DOK6: variants seen among roughly 807,000 people sequenced by gnomAD.
The protein encoded by DOK6 is downstream of tyrosine kinase 6.
A neutral mutation model predicts 44.0 loss-of-function variants in DOK6; 22 were observed. The ratio of observed to expected loss-of-function variants is 0.50; its 90% confidence interval spans 0.36 to 0.71. The LOEUF (loss-of-function observed/expected upper bound fraction) is 0.71, where lower values mean the gene tolerates loss of function less well. Among genes scored for constraint, DOK6 ranks in the 30% least tolerant of loss-of-function variants. The pLI is 0.00. For synonymous variants in DOK6, 166 were observed against 145.5 expected (o/e 1.14, Z -1.01); for missense variants, 340 against 416.4 (o/e 0.82, Z 1.60).
chr18:69,512,936 C>T (rs1442282103), intron 1 of DOK6, among the ~76,000 whole-genome samples: 2 of 152,112 alleles, frequency 1.3e-5, no homozygotes, highest in East Asian at 3.9e-4. Flanking sequence ...TTCCAGATGT[C>T]ACATTTCGTT....
At chr18:69,612,217 T>TAAAA (rs33970961) in intron 3 of DOK6, among the ~76,000 whole-genome samples, 125,949 of 149,732 alleles carry the variant, frequency 0.84, 53,966 homozygotes, top group Non-Finnish European at 0.94. Flanking sequence ...ATATTTAAGT[T>TAAAA]AAAAAAAACC....
chr18:69,576,397 AAC>A (rs1491323639), intron 2 of DOK6, among the ~76,000 whole-genome samples: 1 of 152,146 alleles, frequency 6.6e-6, no homozygotes, highest in Non-Finnish European at 1.5e-5. Context: ...TTTATGCTGT[AAC>A]ACTCAATAGC....
rs144427443 is a variant in DOK6, at chr18:69,468,103, G to T, written c.66+66793G>T. On this transcript the variant is annotated intron_variant, in intron 1 of 7. Transcript: ENST00000382713. ...TTTATCCTCCTTAGGTGATTATCAT[G>T]GTTCATGTATCATTCTTTGGCTTAT... 8.9e-4 allele frequency among the ~76,000 whole-genome samples: 136 copies of T among 152,090 alleles called. 2 individuals are homozygous for T. In the East Asian group the frequency reaches 0.023, roughly 25 times the overall value.
intron 1 of DOK6, among the ~76,000 whole-genome samples, chr18:69,433,410 T>C (rs1396215583): frequency 1.3e-5 from 2 of 152,210 alleles, no homozygotes; most frequent in Non-Finnish European, 1.5e-5. Context: ...AAATTAAGGA[T>C]GTCTTTTAAG....
intron 7 of DOK6, among the ~76,000 whole-genome samples, chr18:69,784,940 C>T (rs1438836773): frequency 6.6e-6 from 1 of 152,136 alleles, no homozygotes; most frequent in Non-Finnish European, 1.5e-5. Flanking sequence ...GCTGAAAATG[C>T]AGTTCATAAC....
At chr18:69,588,754 T>A (rs1983561286) in intron 2 of DOK6, among the ~76,000 whole-genome samples, 1 of 152,070 alleles carries the variant, frequency 6.6e-6, no homozygotes, top group South Asian at 2.1e-4. Flanking sequence ...AGACAGCCAA[T>A]GGAGAGAGTA....
At chr18:69,550,725 T>G (rs1982539099) in intron 1 of DOK6, among the ~76,000 whole-genome samples, 2 of 151,820 alleles carry the variant, frequency 1.3e-5, no homozygotes, top group Non-Finnish European at 2.9e-5. Flanking sequence ...TAATATATAT[T>G]GACAGTTTCT....
Position 69,487,639 on chromosome 18 carries a change from C to G in DOK6, c.67-76848C>G, listed in dbSNP as rs569282023. Among the ~76,000 whole-genome samples the G allele has an allele frequency of 3.3e-5, 5 of 152,252 alleles. No homozygotes were observed. The South Asian group carries it at 1.0e-3, about 32-fold the overall frequency. ...CGATGTTTATAGAAGTTATGCAAGGCAATTTCTGGAGAGAGTCAGGAAAGA... is the reference window on the plus strand; with the variant it reads ...CGATGTTTATAGAAGTTATGCAAGGGAATTTCTGGAGAGAGTCAGGAAAGA... On this transcript the variant is annotated intron_variant, in intron 1 of 7. Transcript: ENST00000382713.
At chr18:69,683,333 T>C (rs1986083760) in intron 4 of DOK6, among the ~76,000 whole-genome samples, 1 of 152,236 alleles carries the variant, frequency 6.6e-6, no homozygotes, top group Non-Finnish European at 1.5e-5. Context: ...GTATCACAAT[T>C]GTGTCCCTTC....
chr18:69,571,600 A>G (rs1983115811), intron 2 of DOK6, among the ~76,000 whole-genome samples: 1 of 152,086 alleles, frequency 6.6e-6, no homozygotes, highest in South Asian at 2.1e-4. Flanking sequence ...AATCAGAGAA[A>G]TAGACTTCCG....
At chr18:69,544,094 T>TAA (rs34430095) in intron 1 of DOK6, among the ~76,000 whole-genome samples, 1,730 of 142,174 alleles carry the variant, frequency 0.012, 40 homozygotes, top group African/African-American at 0.038. Flanking sequence ...CTGTCTCTAC[T>TAA]AAAAAAAAAA....
chr18:69,818,985 C>T (rs1026771483), intron 7 of DOK6, among the ~76,000 whole-genome samples: 6 of 152,236 alleles, frequency 3.9e-5, no homozygotes, highest in East Asian at 3.9e-4. Flanking sequence ...TTTTAAAATA[C>T]GGTGAAAATC....
chr18:69,663,423 T>C (rs1244064252), intron 3 of DOK6: 2 of 139,254 alleles, frequency 1.4e-5, no homozygotes, highest in Non-Finnish European at 3.1e-5. Context: ...CAAATAAAAG[T>C]AGAAAAAAAA....
intron 1 of DOK6, among the ~76,000 whole-genome samples, chr18:69,447,154 C>T (rs1030492660): frequency 2.0e-5 from 3 of 152,072 alleles, no homozygotes; most frequent in Non-Finnish European, 4.4e-5. Context: ...AATGGTATTG[C>T]CTAGGTTTTA....
At chr18:69,673,971 T>C (rs2144682866) in intron 3 of DOK6, among the ~76,000 whole-genome samples, 1 of 152,318 alleles carries the variant, frequency 6.6e-6, no homozygotes, top group Non-Finnish European at 1.5e-5. Flanking sequence ...ACTCGGTCTA[T>C]GGGAAAATAA....
At chr18:69,505,784 A>G (rs562971713) in intron 1 of DOK6, among the ~76,000 whole-genome samples, 10 of 152,174 alleles carry the variant, frequency 6.6e-5, no homozygotes, top group South Asian at 4.1e-4. Flanking sequence ...GGCGTGAGCC[A>G]CCATGCCGGG....
chr18:69,617,489 GAAGAAAGAAAGAAAGAGAAAGAAAGAA>G (rs1984318606), intron 3 of DOK6, among the ~76,000 whole-genome samples: 1 of 129,912 alleles, frequency 7.7e-6, no homozygotes, highest in South Asian at 2.6e-4. Context: ...TAGGAGAAAA[GAAGAAAGAAAGAAAGAGAAAGAAAGAA>G]AAGAAAGAAA....
intron 1 of DOK6, among the ~76,000 whole-genome samples, chr18:69,440,501 A>G (rs1445993743): frequency 6.6e-6 from 1 of 152,208 alleles, no homozygotes; most frequent in South Asian, 2.1e-4. Context: ...TCAAGAAGGC[A>G]TTCGGAGTAG....
chr18:69,574,203 G>C (rs955066665), intron 2 of DOK6, among the ~76,000 whole-genome samples: 4 of 151,978 alleles, frequency 2.6e-5, no homozygotes, highest in African/African-American at 9.7e-5. Context: ...AAATGAAGAT[G>C]CTCTTCTTGT....
Sources: allele counts gnomAD v4.1 joint callset (sites outside exome capture counted in the v4.1 genomes callset), GRCh38; gene constraint gnomAD v4.1.1; transcripts MANE v1.5; gene names NCBI Gene and HGNC (gene_info 2026-07-23, HGNC 2026-07-21).